The following UNC13C variants were observed in gnomAD, a reference collection of about 807,000 sequenced individuals.
The protein encoded by UNC13C is unc-13 homolog C.
A neutral mutation model predicts 245.4 loss-of-function variants in UNC13C; 174 were observed. That is an observed-to-expected ratio of 0.71 (90% confidence interval 0.63 to 0.80). The LOEUF (loss-of-function observed/expected upper bound fraction) is 0.80, where lower values mean the gene tolerates loss of function less well. Among genes scored for constraint, UNC13C ranks in the 30% least tolerant of loss-of-function variants. The probability of loss-of-function intolerance (pLI) is 0.00; values close to 1 mark genes in which losing one functional copy is unlikely to be tolerated. For missense variants in UNC13C, 2,829 were observed against 2,602.9 expected (o/e 1.09, Z -1.89); for synonymous variants, 992 against 895.1 (o/e 1.11, Z -1.93).
chr15:54,583,164 G>C (rs1898285992), intron 30 of UNC13C, among the ~76,000 whole-genome samples: 1 of 152,156 alleles, frequency 6.6e-6, no homozygotes, highest in Non-Finnish European at 1.5e-5. Context: ...CCTATCATGA[G>C]AGCCACCTGT....
At chr15:54,488,696 C>T (rs949783526) in intron 19 of UNC13C, among the ~76,000 whole-genome samples, 31 of 152,160 alleles carry the variant, frequency 2.0e-4, no homozygotes, top group African/African-American at 6.5e-4. Context: ...TCACATTCTT[C>T]CCAATTGCCA....
chr15:53,856,409 C>A, the UNC13C span, among the ~76,000 whole-genome samples: 5 of 151,658 alleles, frequency 3.3e-5, no homozygotes, highest in Non-Finnish European at 5.9e-5. Context: ...ATATTGTTAA[C>A]TTGAGATCTT....
At chr15:53,998,901 G>T (rs1232315624) in intron 1 of UNC13C, among the ~76,000 whole-genome samples, 1 of 151,590 alleles carries the variant, frequency 6.6e-6, no homozygotes, top group East Asian at 1.9e-4. Context: ...GTGTTCAATT[G>T]CATGACTGAT....
intron 10 of UNC13C, among the ~76,000 whole-genome samples, chr15:54,266,305 TC>T (rs2036548269): frequency 6.6e-6 from 1 of 151,868 alleles, no homozygotes. Flanking sequence ...GTTTGGAAAA[TC>T]AATTGGAACC....
chr15:53,837,835 C>T, the UNC13C span, among the ~76,000 whole-genome samples: 2 of 152,128 alleles, frequency 1.3e-5, no homozygotes, highest in Non-Finnish European at 2.9e-5. Flanking sequence ...GTTTGAAATG[C>T]CACCACTGTT....
chr15:54,433,653 A>G (rs1238441855), intron 19 of UNC13C, among the ~76,000 whole-genome samples: 1 of 152,066 alleles, frequency 6.6e-6, no homozygotes, highest in Non-Finnish European at 1.5e-5. Context: ...AGCTGAAAAC[A>G]TTCCCTTTGA....
chr15:54,189,689 A>G (rs929678139), intron 4 of UNC13C, among the ~76,000 whole-genome samples: 3 of 152,198 alleles, frequency 2.0e-5, no homozygotes, highest in African/African-American at 7.2e-5. Flanking sequence ...TTGGTTAAAA[A>G]TGAATTTTTT....
chr15:54,097,791 A>G (rs1899949495), intron 2 of UNC13C, among the ~76,000 whole-genome samples: 1 of 152,208 alleles, frequency 6.6e-6, no homozygotes, highest in East Asian at 1.9e-4. Context: ...TAGATGATTG[A>G]TCGCTAAGAG....
chr15:54,101,152 C>G (rs1016268473), intron 2 of UNC13C, among the ~76,000 whole-genome samples: 9 of 151,764 alleles, frequency 5.9e-5, no homozygotes, highest in African/African-American at 2.2e-4. Context: ...TTTTTTAAAG[C>G]CTGCCTTTGA....
intron 2 of UNC13C, among the ~76,000 whole-genome samples, chr15:54,040,973 G>T (rs1039863129): frequency 1.3e-5 from 2 of 152,120 alleles, no homozygotes; most frequent in Non-Finnish European, 2.9e-5. Flanking sequence ...ACTCTGCTCT[G>T]TTCTCTTTGT....
intron 19 of UNC13C, among the ~76,000 whole-genome samples, chr15:54,443,797 TG>T (rs1173955952): frequency 6.6e-6 from 1 of 152,100 alleles, no homozygotes; most frequent in Non-Finnish European, 1.5e-5. Context: ...TTTTAAAATT[TG>T]TTGAGACTTG....
At chr15:54,330,928 A>T (rs546047688) in intron 14 of UNC13C, among the ~76,000 whole-genome samples, 1 of 152,172 alleles carries the variant, frequency 6.6e-6, no homozygotes, top group South Asian at 2.1e-4. Context: ...TAACACAGAG[A>T]TGATACTCAA....
At chr15:54,193,195 G>A (rs1402061552) in intron 4 of UNC13C, among the ~76,000 whole-genome samples, 2 of 151,992 alleles carry the variant, frequency 1.3e-5, no homozygotes, top group Non-Finnish European at 2.9e-5. Context: ...GAAAGATTTG[G>A]GCTTTAAGAC....
intron 12 of UNC13C, among the ~76,000 whole-genome samples, chr15:54,298,462 T>C (rs1171843027): frequency 1.3e-5 from 2 of 152,204 alleles, no homozygotes; most frequent in Non-Finnish European, 2.9e-5. Flanking sequence ...TTAATTTTTC[T>C]TCCTGTTTCT....
the UNC13C span, among the ~76,000 whole-genome samples, chr15:53,957,408 T>G: frequency 6.6e-6 from 1 of 152,166 alleles, no homozygotes; most frequent in Non-Finnish European, 1.5e-5. Flanking sequence ...GCTGGGATTA[T>G]AGGCGTGAGC....
chr15:54,065,782 C>T (rs944032063), intron 2 of UNC13C, among the ~76,000 whole-genome samples: 5 of 152,182 alleles, frequency 3.3e-5, no homozygotes, highest in Admixed American at 3.3e-4. Context: ...GGGAAATACA[C>T]TCTTTTTGTG....
At chr15:54,559,615 A>G (rs1897222290) in intron 29 of UNC13C, among the ~76,000 whole-genome samples, 1 of 151,956 alleles carries the variant, frequency 6.6e-6, no homozygotes, top group East Asian at 1.9e-4. Flanking sequence ...TAGTCAGCAA[A>G]ATAATTGTGA....
At chr15:54,603,997 T>G (rs960909362) in intron 30 of UNC13C, among the ~76,000 whole-genome samples, 1 of 152,212 alleles carries the variant, frequency 6.6e-6, no homozygotes, top group South Asian at 2.1e-4. Flanking sequence ...TTCCCACTTA[T>G]TCAGAGCCTG....
chr15:54,246,421 T>TTTC (rs2035994297), intron 7 of UNC13C, among the ~76,000 whole-genome samples: 1 of 151,480 alleles, frequency 6.6e-6, no homozygotes, highest in Non-Finnish European at 1.5e-5. Flanking sequence ...ATGTTTTTTT[T>TTTC]TTTTTCTAAT....
Sources: gnomAD v4.1 joint callset for allele counts (sites outside exome capture counted in the v4.1 genomes callset) on GRCh38, gnomAD v4.1.1 for gene constraint, MANE v1.5 for transcripts, NCBI Gene and HGNC (gene_info 2026-07-23, HGNC 2026-07-21) for gene names.